STXBP5L: variants seen among roughly 807,000 people sequenced by gnomAD.
STXBP5L encodes syntaxin binding protein 5L.
STXBP5L carries 65 observed loss-of-function variants against 144.5 expected under a neutral mutation model. The ratio of observed to expected loss-of-function variants is 0.45; its 90% CI spans 0.37 to 0.55. The LOEUF (loss-of-function observed/expected upper bound fraction) is 0.55. STXBP5L is among the 20% of genes least tolerant of loss of function. The pLI is 0.00. For missense variants in STXBP5L, 1,298 were observed against 1,405.5 expected (o/e 0.92, Z 1.22); for synonymous variants, 505 against 469.6 (o/e 1.08, Z -0.97).
chr3:121,335,951 G>A (rs990252373), intron 20 of STXBP5L, among the ~76,000 whole-genome samples: 3 of 152,118 alleles, frequency 2.0e-5, no homozygotes, highest in African/African-American at 7.2e-5. Context: ...CTTCTGCACA[G>A]CAAAAGAAAC....
At chr3:121,315,959 C>T (rs1021918424) in intron 19 of STXBP5L, among the ~76,000 whole-genome samples, 16 of 149,656 alleles carry the variant, frequency 1.1e-4, no homozygotes, top group African/African-American at 3.9e-4. Flanking sequence ...GCCGAGATTG[C>T]ACCAATTCAT....
chr3:121,291,306 G>A (rs1399579972), intron 19 of STXBP5L, among the ~76,000 whole-genome samples: 1 of 151,688 alleles, frequency 6.6e-6, no homozygotes, highest in Non-Finnish European at 1.5e-5. Context: ...TACAACAGCT[G>A]TAAAAAAAAT....
At chr3:121,043,351 C>T (rs999853463) in intron 4 of STXBP5L, among the ~76,000 whole-genome samples, 2 of 152,064 alleles carry the variant, frequency 1.3e-5, no homozygotes, top group Non-Finnish European at 2.9e-5. Context: ...TCTGTTGGTG[C>T]TGTTATGCTT....
In STXBP5L at chr3:121,204,639, G is replaced by A. The variant is rs563745856; in HGVS notation, c.878-1284G>A. On this transcript the variant is annotated intron_variant, in intron 9 of 26. Coordinates refer to ENST00000471454, the MANE Select transcript of STXBP5L (RefSeq NM_001308330.2). ...AATAGATAAACAATGTATTACATAG[G>A]TATCTATGTAATAGATAATGTATTA... is the stretch of plus-strand genomic sequence containing the variant. Among the ~76,000 whole-genome samples the A allele has an allele frequency of 5.0e-4, 76 of 151,600 alleles. 3 individuals carry two copies. Among genetic ancestry groups the A allele is most frequent in the South Asian group, 4.2e-3 (20 of 4,806 alleles).
chr3:121,269,828 A>G (rs896490961), intron 18 of STXBP5L, among the ~76,000 whole-genome samples: 1 of 152,172 alleles, frequency 6.6e-6, no homozygotes, highest in Non-Finnish European at 1.5e-5. Context: ...CCTTCACTAA[A>G]AGGACTGTGC....
In STXBP5L at chr3:121,423,745, GA is replaced by G. The variant is rs1452247037; in HGVS notation, c.*4651del. On this transcript the variant is annotated 3_prime_UTR_variant, in exon 27 of 27. Transcript: ENST00000471454. ...TATCACTGCTTTATGGCCAACTAAG[GA>G]AACCTTGTTTGTCTGCCTTGGCTGG... 1.3e-5 allele frequency: 2 copies of G among 152,218 alleles called. No individual in the cohort carries two copies. The highest frequency in any genetic ancestry group is 4.8e-5 in the African/African-American group (2 of 41,452). The allele number at this position is 152,218 out of a possible 1,614,324, so 9.4% of individuals were successfully genotyped here.
chr3:121,018,637 G>A (rs1420004211), intron 3 of STXBP5L, among the ~76,000 whole-genome samples: 1 of 151,188 alleles, frequency 6.6e-6, no homozygotes, highest in Non-Finnish European at 1.5e-5. Flanking sequence ...ACTCTTAGAA[G>A]ATAACAGAAG....
intron 10 of STXBP5L, among the ~76,000 whole-genome samples, chr3:121,214,929 C>T (rs539785190): frequency 1.3e-5 from 2 of 152,100 alleles, no homozygotes; most frequent in Non-Finnish European, 2.9e-5. Flanking sequence ...GTTACCTCTT[C>T]TTCTTGCATT....
chr3:121,049,051 G>A (rs1373483102), intron 5 of STXBP5L, among the ~76,000 whole-genome samples: 5 of 152,170 alleles, frequency 3.3e-5, no homozygotes, highest in Admixed American at 2.6e-4. Context: ...TCCCAGAAAA[G>A]CACAGAGCTG....
intron 9 of STXBP5L, among the ~76,000 whole-genome samples, chr3:121,196,272 G>T (rs1401404009): frequency 6.6e-6 from 1 of 151,368 alleles, no homozygotes. Flanking sequence ...CAATTCTCCT[G>T]CCTCAGCCTC....
chr3:121,312,493 G>T, intron 19 of STXBP5L, among the ~76,000 whole-genome samples: 1 of 65,122 alleles, frequency 1.5e-5, no homozygotes, highest in Non-Finnish European at 2.8e-5. Flanking sequence ...ATCATTCTTG[G>T]GTGTTTCTCG....
At chr3:121,355,012 G>T (rs2045450455) in intron 20 of STXBP5L, among the ~76,000 whole-genome samples, 1 of 152,070 alleles carries the variant, frequency 6.6e-6, no homozygotes, top group East Asian at 1.9e-4. Context: ...TTGAATATTG[G>T]CTCCCACTCT....
intron 3 of STXBP5L, among the ~76,000 whole-genome samples, chr3:121,019,126 T>C (rs1945360489): frequency 6.6e-6 from 1 of 152,136 alleles, no homozygotes; most frequent in Non-Finnish European, 1.5e-5. Flanking sequence ...CCGGGTGACC[T>C]GTGGGATGCA....
chr3:121,366,180 A>G (rs1219957763), intron 20 of STXBP5L, among the ~76,000 whole-genome samples: 1 of 152,124 alleles, frequency 6.6e-6, no homozygotes, highest in African/African-American at 2.4e-5. Context: ...ATGGTCTTAC[A>G]TATGGCCTAT....
chr3:120,941,491 C>G (rs1002475802), intron 2 of STXBP5L, among the ~76,000 whole-genome samples: 11 of 151,672 alleles, frequency 7.3e-5, no homozygotes, highest in African/African-American at 2.4e-4. Context: ...AGCTACTGTA[C>G]TTTTAAAAAA....
chr3:121,186,278 T>A (rs2047378211), intron 9 of STXBP5L, among the ~76,000 whole-genome samples: 1 of 152,216 alleles, frequency 6.6e-6, no homozygotes, highest in Non-Finnish European at 1.5e-5. Flanking sequence ...TCCTAATGAA[T>A]ACACTTTATT....
intron 9 of STXBP5L, among the ~76,000 whole-genome samples, chr3:121,181,679 AG>A (rs2047161163): frequency 6.6e-6 from 1 of 152,108 alleles, no homozygotes; most frequent in African/African-American, 2.4e-5. Flanking sequence ...TGGAGGCTTC[AG>A]TGAGCTGAGA....
In STXBP5L at chr3:121,337,338, G is replaced by C. The variant is rs75550725; in HGVS notation, c.2176+18798G>C. On this transcript the variant is annotated intron_variant, in intron 20 of 26. Coordinates refer to ENST00000471454, the MANE Select transcript of STXBP5L (RefSeq NM_001308330.2). The stretch of plus-strand genomic sequence containing the variant: ...AATGCAAGGATTCTTACAAACTCGA[G>C]GTAAAGGGGTGGAAAAAGATATTCC... 3.0e-3 allele frequency among the ~76,000 whole-genome samples: 459 copies of C among 150,946 alleles called. 3 individuals are homozygous for C. The highest frequency in any genetic ancestry group is 0.01 in the African/African-American group (428 of 41,072).
chr3:121,256,873 A>G (rs984282997), intron 16 of STXBP5L, among the ~76,000 whole-genome samples: 4 of 151,532 alleles, frequency 2.6e-5, no homozygotes, highest in Non-Finnish European at 5.9e-5. Context: ...TATTATATAA[A>G]AACTTTATCT....
Sources: gnomAD v4.1 joint callset for allele counts (sites outside exome capture counted in the v4.1 genomes callset) on GRCh38, gnomAD v4.1.1 for gene constraint, MANE v1.5 for transcripts, NCBI Gene and HGNC (gene_info 2026-07-23, HGNC 2026-07-21) for gene names.